Variants in CCDC141 observed in about 807,000 individuals in gnomAD.
The protein encoded by CCDC141 is coiled-coil domain-containing protein 141.
A neutral mutation model predicts 181.0 loss-of-function variants in CCDC141; 168 were observed. The observed-to-expected ratio is 0.93, with a 90% CI of 0.82 to 1.05. The LOEUF is 1.05. CCDC141 is among the 50% of genes least tolerant of loss of function. CCDC141 has a pLI of 0.00. For synonymous variants in CCDC141, 666 were observed against 642.3 expected (o/e 1.04, Z -0.56); for missense variants, 1,902 against 1,788.5 (o/e 1.06, Z -1.14).
intron 5 of CCDC141, among the ~76,000 whole-genome samples, chr2:178,948,100 C>G (rs1689805606): frequency 6.6e-6 from 1 of 151,690 alleles, no homozygotes; most frequent in Admixed American, 6.6e-5. Flanking sequence ...CTCAGAGAGG[C>G]TAAAGGAGGA....
chr2:178,860,305 G>T (rs1291905160), intron 17 of CCDC141, among the ~76,000 whole-genome samples: 2 of 151,908 alleles, frequency 1.3e-5, no homozygotes, highest in African/African-American at 4.8e-5. Context: ...GGCTGAGGCG[G>T]GTGGATCACC....
At chr2:178,987,670 A>G (rs1208768427) in intron 2 of CCDC141, among the ~76,000 whole-genome samples, 1 of 150,150 alleles carries the variant, frequency 6.7e-6, no homozygotes, top group African/African-American at 2.4e-5. Flanking sequence ...ACATGAACAG[A>G]CACTTCTCAA....
Position 178,847,001 on chromosome 2 carries a change from T to C in CCDC141, c.3358-1259A>G, listed in dbSNP as rs114008880. Among the ~76,000 whole-genome samples, 507 of 152,250 alleles carry C rather than the reference T, an allele frequency of 3.3e-3. 4 individuals carry two copies. The highest frequency in any genetic ancestry group is 0.011 in the African/African-American group (472 of 41,540). On this transcript the variant is annotated intron_variant, in intron 21 of 23. Transcript: ENST00000443758. The stretch of plus-strand genomic sequence containing the variant: ...AATAACATAAAAAATAGACATTTGC[T>C]CTCTTCATACAAACACCTGTAAAGT...
At chr2:178,921,929 G>C (rs1279429771) in intron 6 of CCDC141, among the ~76,000 whole-genome samples, 1 of 152,156 alleles carries the variant, frequency 6.6e-6, no homozygotes, top group Non-Finnish European at 1.5e-5. Flanking sequence ...GAAATAATGT[G>C]TAAAGATGCA....
intron 4 of CCDC141, among the ~76,000 whole-genome samples, chr2:178,972,589 C>T (rs1429592651): frequency 1.3e-5 from 2 of 152,092 alleles, no homozygotes; most frequent in African/African-American, 2.4e-5. Context: ...GGATTTCTCA[C>T]GAGGTTATGG....
chr2:178,952,953 A>G (rs953370067), intron 5 of CCDC141, among the ~76,000 whole-genome samples: 1 of 152,242 alleles, frequency 6.6e-6, no homozygotes. Context: ...TTTTTAATGC[A>G]ATCACTACAG....
rs778702114 is a variant in CCDC141, at chr2:178,877,954, C to T, written c.1899+10G>A. ...TGCAGAAGGTGTGATCCATTTAATG[C>T]CATTCTTACCATATTTATTAAATTA... On this transcript the variant is annotated intron_variant, in intron 12 of 23. Coordinates refer to ENST00000443758, the MANE Select transcript of CCDC141 (RefSeq NM_173648.4). 8 of 1,606,636 alleles carry T rather than the reference C, an allele frequency of 5.0e-6. No individual in the cohort carries two copies. The highest frequency in any genetic ancestry group is 6.8e-6 in the Non-Finnish European group (8 of 1,173,644).
chr2:178,835,887 A>C (rs1051288953), intron 23 of CCDC141: 1 of 152,642 alleles, frequency 6.6e-6, no homozygotes, highest in African/African-American at 2.4e-5. Context: ...TGACTGCACT[A>C]ATATAGCACA....
intron 20 of CCDC141, among the ~76,000 whole-genome samples, chr2:178,852,369 C>T (rs1406869304): frequency 1.3e-5 from 2 of 152,158 alleles, no homozygotes; most frequent in African/African-American, 4.8e-5. Context: ...GGTATTTATA[C>T]TACAACGTAA....
chr2:178,850,176 G>A lies in CCDC141; in HGVS notation c.3245-15C>T. On this transcript the variant is annotated splice_polypyrimidine_tract_variant and intron_variant, in intron 20 of 23. Coordinates refer to ENST00000443758, the MANE Select transcript of CCDC141 (RefSeq NM_173648.4). ...TTCTTCCAAACCTGGGGAGGAGAAG[G>A]ATGAAACTAGTTTTAAAGGTCAAAT... The A allele has an allele frequency of 7.1e-7, 1 of 1,405,716 alleles. No individual in the cohort carries two copies. The highest frequency in any genetic ancestry group is 1.0e-6 in the Non-Finnish European group (1 of 995,214). The allele number at this position is 1,405,716 out of a possible 1,614,324, so 87.1% of individuals were successfully genotyped here.
chr2:178,852,240 T>G (rs1685195177), intron 20 of CCDC141, among the ~76,000 whole-genome samples: 2 of 152,146 alleles, frequency 1.3e-5, no homozygotes, highest in African/African-American at 4.8e-5. Flanking sequence ...GAATTTAACT[T>G]TTTAGGGTCT....
chr2:178,825,191 G>A (rs1255369392), downstream of CCDC141: 1 of 152,122 alleles, frequency 6.6e-6, no homozygotes, highest in Non-Finnish European at 1.5e-5. Flanking sequence ...ATGACTTTAT[G>A]AAATACTACT....
rs1553477971 is a variant in CCDC141 at position 178,885,258 on chromosome 2, A to AG, written c.1528-167dup. On this transcript the variant is annotated intron_variant, in intron 10 of 23. Transcript: ENST00000443758. ...TTCCAAAATTCTAAAAAAAAAAAAAAGGGCACTTTAGAATGAAAATCATTT... is the reference window on the plus strand; with the variant it reads ...TTCCAAAATTCTAAAAAAAAAAAAAAGGGGCACTTTAGAATGAAAATCATTT... Among the ~76,000 whole-genome samples, 512 of 151,732 alleles carry AG rather than the reference A, an allele frequency of 3.4e-3. 5 individuals carry two copies. Among genetic ancestry groups the AG allele is most frequent in the African/African-American group, 0.012 (479 of 41,436 alleles).
chr2:178,827,238 A>G (rs1242099067), downstream of CCDC141, among the ~76,000 whole-genome samples: 6 of 152,052 alleles, frequency 3.9e-5, no homozygotes, highest in Non-Finnish European at 8.8e-5. Context: ...TATTCTTTTA[A>G]ATTTTTAATG....
intron 17 of CCDC141, among the ~76,000 whole-genome samples, chr2:178,862,719 A>G (rs1035723117): frequency 1.3e-5 from 2 of 152,234 alleles, no homozygotes; most frequent in Admixed American, 1.3e-4. Flanking sequence ...ACAATTTCCT[A>G]TGTCTTCATA....
At chr2:179,026,647 A>G (rs2042854078) in intron 2 of CCDC141, among the ~76,000 whole-genome samples, 1 of 152,188 alleles carries the variant, frequency 6.6e-6, no homozygotes, top group African/African-American at 2.4e-5. Context: ...GAAGAGTGCC[A>G]GTCTCCTCCA....
intron 22 of CCDC141, 43 bp from the exon 23 acceptor site, chr2:178,837,787 T>C: frequency 6.4e-7 from 1 of 1,550,656 alleles, no homozygotes; most frequent in Non-Finnish European, 8.7e-7. Context: ...CATTCATTTT[T>C]CTTTTTCCAG....
At chr2:178,924,297 A>G (rs1688830814) in intron 6 of CCDC141, among the ~76,000 whole-genome samples, 1 of 152,228 alleles carries the variant, frequency 6.6e-6, no homozygotes, top group Non-Finnish European at 1.5e-5. Flanking sequence ...TTCCCAAAGC[A>G]TGGCTGATTC....
chr2:178,989,774 C>T (rs756919512), intron 2 of CCDC141, among the ~76,000 whole-genome samples: 21 of 133,188 alleles, frequency 1.6e-4, no homozygotes, highest in Admixed American at 3.2e-4. Context: ...TAGAAAAATG[C>T]AAATCAAAAG....
Sources: allele counts gnomAD v4.1 joint callset (sites outside exome capture counted in the v4.1 genomes callset), GRCh38; gene constraint gnomAD v4.1.1; transcripts MANE v1.5; gene names NCBI Gene and HGNC (gene_info 2026-07-23, HGNC 2026-07-21).